The following SENP7 variants were observed in gnomAD, a reference collection of about 807,000 sequenced individuals.
SENP7 encodes the protein SUMO specific peptidase 7.
A neutral mutation model predicts 141.2 loss-of-function variants in SENP7; 64 were observed. That is an observed-to-expected ratio of 0.45 (90% confidence interval 0.37 to 0.56). The LOEUF (loss-of-function observed/expected upper bound fraction) is 0.56, where lower values mean the gene tolerates loss of function less well. SENP7 is among the 20% of genes least tolerant of loss of function. The pLI is 0.00. For synonymous variants in SENP7, 382 were observed against 426.4 expected (o/e 0.90, Z 1.28); for missense variants, 1,025 against 1,212.2 (o/e 0.85, Z 2.29).
intron 1 of SENP7, among the ~76,000 whole-genome samples, chr3:101,510,843 CAAAAAAA>C (rs377579284): frequency 1.3e-5 from 1 of 78,380 alleles, no homozygotes; most frequent in Non-Finnish European, 2.4e-5. Context: ...GACTCCATCT[CAAAAAAA>C]AAAAAAAAAA....
intron 4 of SENP7, among the ~76,000 whole-genome samples, chr3:101,427,218 G>C (rs2061989869): frequency 6.6e-6 from 1 of 152,122 alleles, no homozygotes; most frequent in African/African-American, 2.4e-5. Context: ...GCCAGGTGCA[G>C]TGGCTCACTC....
At chr3:101,470,397 CA>C (rs1376322785) in intron 3 of SENP7, among the ~76,000 whole-genome samples, 2 of 152,128 alleles carry the variant, frequency 1.3e-5, no homozygotes, top group South Asian at 2.1e-4. Context: ...GAAACAATGA[CA>C]AAAACCACGA....
At chr3:101,469,011 T>C (rs2063870743) in intron 3 of SENP7, among the ~76,000 whole-genome samples, 1 of 151,800 alleles carries the variant, frequency 6.6e-6, no homozygotes, top group Non-Finnish European at 1.5e-5. Flanking sequence ...AATAAAGGGA[T>C]GGAGGAAGAT....
At chr3:101,433,875 CAACAAACA>C (rs373406612) in intron 4 of SENP7, among the ~76,000 whole-genome samples, 20 of 152,004 alleles carry the variant, frequency 1.3e-4, no homozygotes, top group Non-Finnish European at 1.9e-4. Context: ...GACAGAAAAT[CAACAAACA>C]AACAAACAAA....
chr3:101,446,851 T>C (rs1217870672), intron 4 of SENP7, among the ~76,000 whole-genome samples: 1 of 151,764 alleles, frequency 6.6e-6, no homozygotes, highest in African/African-American at 2.4e-5. Context: ...TGAACCTCAA[T>C]GGACTAGAAA....
intron 4 of SENP7, among the ~76,000 whole-genome samples, chr3:101,450,166 C>T (rs188487536): frequency 4.6e-5 from 7 of 152,138 alleles, no homozygotes; most frequent in Non-Finnish European, 1.0e-4. Context: ...AGCTAACTAT[C>T]CTAAATATAT....
chr3:101,506,028 T>C (rs1229836130), intron 1 of SENP7, among the ~76,000 whole-genome samples: 6 of 150,002 alleles, frequency 4.0e-5, no homozygotes, highest in Non-Finnish European at 5.9e-5. Context: ...TAATTTTTTT[T>C]TTTTTTTTTT....
At position 101,330,352 on chromosome 3, in the gene SENP7, CAA is replaced by C; in HGVS notation, c.2731_2732del (p.Leu911GlufsTer20). On this transcript the variant is annotated frameshift_variant, in exon 20 of 24. Transcript: ENST00000394095. LOFTEE classifies it high-confidence loss of function. ...CACTTACTTGGGAATCCTCTGCACT[CAA>C]AGACAGTGTCGAAGTAGTACGTAGA... is the stretch of plus-strand genomic sequence containing the variant. ...NDLRTTSTLS[L>X]SAEDSQSTES... 1.2e-6 allele frequency: 2 copies of C among 1,608,322 alleles called. No individual in the cohort carries two copies. The highest frequency in any genetic ancestry group is 1.1e-5 in the South Asian group (1 of 90,846).
intron 5 of SENP7, among the ~76,000 whole-genome samples, chr3:101,400,214 T>C (rs1263231184): frequency 6.6e-6 from 1 of 152,228 alleles, no homozygotes; most frequent in African/African-American, 2.4e-5. Context: ...AAAGTTTTCC[T>C]AACTCCTCTT....
chr3:101,361,427 A>C (rs1166505406), intron 11 of SENP7, among the ~76,000 whole-genome samples: 1 of 152,152 alleles, frequency 6.6e-6, no homozygotes, highest in African/African-American at 2.4e-5. Context: ...ACCTTGAAAA[A>C]AATTTTACTT....
chr3:101,476,033 T>A (rs1402497960), intron 3 of SENP7, among the ~76,000 whole-genome samples: 2 of 152,142 alleles, frequency 1.3e-5, no homozygotes, highest in Admixed American at 6.6e-5. Context: ...CAGCTACAGA[T>A]TACACACTCT....
rs948379275 is a variant in SENP7, at chr3:101,501,941, T to TA, written c.41-823dup. Among the ~76,000 whole-genome samples the TA allele has an allele frequency of 2.0e-4, 30 of 152,186 alleles. 1 individual carries two copies. On this transcript the variant is annotated intron_variant, in intron 1 of 23. Transcript: ENST00000394095. ...GCAATCTGATAACCAAATGGGGGAA[T>TA]AACACCCTTGACTACCTCACACCAT...
intron 15 of SENP7, 129 bp from the exon 16 acceptor site, chr3:101,340,340 AC>A: frequency 8.9e-7 from 1 of 1,125,200 alleles, no homozygotes; most frequent in Non-Finnish European, 1.2e-6. Context: ...AAAACATTTG[AC>A]CAGGCATAAA....
At chr3:101,346,883 G>T (rs1182436924) in intron 13 of SENP7, among the ~76,000 whole-genome samples, 4 of 150,464 alleles carry the variant, frequency 2.7e-5, no homozygotes, top group African/African-American at 9.8e-5. Context: ...AATACCACCG[G>T]TTTCCCAAAA....
chr3:101,448,338 T>A (rs1408689736), intron 4 of SENP7, among the ~76,000 whole-genome samples: 1 of 152,042 alleles, frequency 6.6e-6, no homozygotes, highest in African/African-American at 2.4e-5. Flanking sequence ...TATATGAAAA[T>A]CATATACCTG....
At chr3:101,474,029 G>A (rs1462383747) in intron 3 of SENP7, among the ~76,000 whole-genome samples, 1 of 152,180 alleles carries the variant, frequency 6.6e-6, no homozygotes, top group African/African-American at 2.4e-5. Flanking sequence ...GTTTGCCAAA[G>A]ATCAGATAGT....
chr3:101,336,685 G>T (rs1235632959), intron 17 of SENP7, among the ~76,000 whole-genome samples: 2 of 152,166 alleles, frequency 1.3e-5, no homozygotes, highest in East Asian at 3.9e-4. Flanking sequence ...TTTATCATGA[G>T]TCTACTCAGA....
intron 4 of SENP7, among the ~76,000 whole-genome samples, chr3:101,433,067 A>G (rs1304954307): frequency 1.3e-5 from 2 of 152,230 alleles, no homozygotes; most frequent in Non-Finnish European, 2.9e-5. Flanking sequence ...CAAGACAGTC[A>G]ATACAATAAA....
chr3:101,325,880 A>C lies in SENP7; in HGVS notation c.*63T>G, dbSNP rs2058886512. 5.4e-6 allele frequency: 8 copies of C among 1,468,660 alleles called. No individual in the cohort carries two copies. In the Admixed American group the frequency reaches 7.2e-5, roughly 13 times the overall value. 91.0% of individuals were successfully genotyped at this position (1,468,660 alleles called of 1,614,324 possible). A position where few individuals can be genotyped will look rare whatever the true frequency, so the allele number is the denominator to read the frequency against. Reference sequence around the variant, plus strand: ...TCTTCTCTGTGAGCTGGCTAACACAAATGCTGGTAAGAGGCTTTCCAGTAA... The same window carrying C: ...TCTTCTCTGTGAGCTGGCTAACACACATGCTGGTAAGAGGCTTTCCAGTAA... On this transcript the variant is annotated 3_prime_UTR_variant, in exon 24 of 24. Coordinates refer to ENST00000394095, the MANE Select transcript of SENP7 (RefSeq NM_020654.5).
Sources: allele counts gnomAD v4.1 joint callset (sites outside exome capture counted in the v4.1 genomes callset), GRCh38; gene constraint gnomAD v4.1.1; transcripts MANE v1.5; gene names NCBI Gene and HGNC (gene_info 2026-07-23, HGNC 2026-07-21).